DNAH11: variants seen among roughly 807,000 people sequenced by gnomAD.
DNAH11 encodes the protein dynein axonemal heavy chain 11, also known as axonemal beta dynein heavy chain 11.
A neutral mutation model predicts 526.0 loss-of-function variants in DNAH11; 442 were observed. That is an observed-to-expected ratio of 0.84 (90% CI 0.78 to 0.91). DNAH11 has a LOEUF of 0.91. Among genes scored for constraint, DNAH11 ranks in the 40% least tolerant of loss-of-function variants. The pLI, the probability that DNAH11 is intolerant of heterozygous loss-of-function variation, is 0.00. For missense variants in DNAH11, 6,989 were observed against 5,448.7 expected (o/e 1.28, Z -8.90); for synonymous variants, 2,461 against 1,935.9 (o/e 1.27, Z -7.12).
At chr7:21,729,983 G>A (rs1785304115) in intron 45 of DNAH11, among the ~76,000 whole-genome samples, 1 of 152,206 alleles carries the variant, frequency 6.6e-6, no homozygotes, top group South Asian at 2.1e-4. Flanking sequence ...AAGATAACAA[G>A]TGTTGTCAAC....
chr7:21,711,744 A>G lies in DNAH11; in HGVS notation c.6867A>G (p.Ala2289=), dbSNP rs745494770. 17 of 1,613,624 alleles carry G rather than the reference A, an allele frequency of 1.1e-5. No individual in the cohort carries two copies. The Admixed American group carries it at 2.3e-4, about 22-fold the overall frequency. ...VLTLASNERI[A]LTPFMRLLFE... ...CCCTCGCCAGCAATGAGCGCATTGCACTCACTCCCTTCATGAGGCTTCTGT... is the reference window on the plus strand; with the variant it reads ...CCCTCGCCAGCAATGAGCGCATTGCGCTCACTCCCTTCATGAGGCTTCTGT... The change falls in exon 42 of 82, where the codon GCA becomes GCG. Residue 2289 remains alanine (A), a synonymous_variant. Coordinates refer to ENST00000409508, the MANE Select transcript of DNAH11 (RefSeq NM_001277115.2).
Position 21,604,533 on chromosome 7 carries a change from C to A in DNAH11, c.3649-1893C>A, listed in dbSNP as rs193023779. ...ACTCACACCATCCTGTATTGGTCGT[C>A]ATACCTCAAGGGATCTCACCCTAAT... On this transcript the variant is annotated intron_variant, in intron 18 of 81. Coordinates refer to ENST00000409508, the MANE Select transcript of DNAH11 (RefSeq NM_001277115.2). Among the ~76,000 whole-genome samples, 64 of 152,290 alleles carry A rather than the reference C, an allele frequency of 4.2e-4. 1 individual carries two copies. In the East Asian group the frequency reaches 0.012, roughly 29 times the overall value.
chr7:21,881,363 G>A (rs1783919734), intron 75 of DNAH11, among the ~76,000 whole-genome samples: 1 of 152,202 alleles, frequency 6.6e-6, no homozygotes, highest in Admixed American at 6.5e-5. Flanking sequence ...TCATTATTAT[G>A]TATTAAGGAT....
intron 76 of DNAH11, among the ~76,000 whole-genome samples, chr7:21,889,991 T>C (rs1784273770): frequency 1.3e-5 from 2 of 152,176 alleles, no homozygotes; most frequent in Non-Finnish European, 2.9e-5. Flanking sequence ...TTTGTTTGTT[T>C]TTTCCTTCTA....
chr7:21,686,335 A>G (rs989633948), intron 32 of DNAH11, among the ~76,000 whole-genome samples: 4 of 152,218 alleles, frequency 2.6e-5, no homozygotes, highest in Non-Finnish European at 4.4e-5. Flanking sequence ...CCATGTGTAT[A>G]TCATTCACTA....
intron 66 of DNAH11, among the ~76,000 whole-genome samples, chr7:21,843,473 GT>G (rs931095695): frequency 1.5e-5 from 2 of 137,504 alleles, no homozygotes; most frequent in Non-Finnish European, 3.0e-5. Flanking sequence ...CTATGCTCAG[GT>G]TTTTTTTGTT....
chr7:21,565,217 C>T (rs896815789), intron 6 of DNAH11, among the ~76,000 whole-genome samples: 15 of 152,152 alleles, frequency 9.9e-5, no homozygotes, highest in Non-Finnish European at 2.2e-4. Flanking sequence ...TCCTGGCTTG[C>T]TGATGGCTGG....
intron 66 of DNAH11, chr7:21,851,447 A>T (rs1205117071): frequency 1.2e-5 from 5 of 428,956 alleles, no homozygotes; most frequent in African/African-American, 1.0e-4. Context: ...CATCCAGGTC[A>T]TATTAGGCAC....
intron 42 of DNAH11, among the ~76,000 whole-genome samples, chr7:21,715,205 C>G (rs534976118): frequency 2.0e-3 from 298 of 152,298 alleles, no homozygotes; most frequent in African/African-American, 6.0e-3. Flanking sequence ...TTCCTTCTAT[C>G]CTATACAACA....
Position 21,889,251 on chromosome 7 carries a change from A to T in DNAH11, c.12508-3174A>T, listed in dbSNP as rs190745264. ...TACTCAATTCCTTTTAAGTCTGAAT[A>T]ATGTTCCATTGTATGGACATAGCAC... On this transcript the variant is annotated intron_variant, in intron 76 of 81. Transcript: ENST00000409508. Among the ~76,000 whole-genome samples, 3 of 152,364 alleles carry T rather than the reference A, an allele frequency of 2.0e-5. No individual in the cohort carries two copies. In the East Asian group the frequency reaches 5.8e-4, roughly 29 times the overall value.
chr7:21,808,663 A>T (rs1398673628), intron 63 of DNAH11, among the ~76,000 whole-genome samples: 1 of 152,142 alleles, frequency 6.6e-6, no homozygotes. Context: ...GGTTTATTCC[A>T]CTTAACATAA....
chr7:21,657,401 G>A lies in DNAH11; in HGVS notation c.5095-1397G>A, dbSNP rs967966766. 7.9e-5 allele frequency among the ~76,000 whole-genome samples: 12 copies of A among 152,116 alleles called. 1 individual carries two copies. Among genetic ancestry groups the A allele is most frequent in the Non-Finnish European group, 7.4e-5 (5 of 68,004 alleles). ...TGTTATAGGGGGTTGGTTGAGAAGT[G>A]CCAAAAAGGGAAGGATCCAGCAAGC... On this transcript the variant is annotated intron_variant, in intron 29 of 81. Coordinates refer to ENST00000409508, the MANE Select transcript of DNAH11 (RefSeq NM_001277115.2).
intron 28 of DNAH11, among the ~76,000 whole-genome samples, chr7:21,651,653 T>G (rs1221471101): frequency 1.3e-5 from 2 of 152,256 alleles, no homozygotes; most frequent in Non-Finnish European, 1.5e-5. Context: ...TAAATGTAAG[T>G]TCTTTTATTT....
chr7:21,831,710 T>C (rs1041150279), intron 65 of DNAH11, among the ~76,000 whole-genome samples: 1 of 152,196 alleles, frequency 6.6e-6, no homozygotes, highest in Non-Finnish European at 1.5e-5. Context: ...TACATAGATA[T>C]GCAAGAGAGA....
At chr7:21,797,114 G>T (rs989864778) in intron 61 of DNAH11, among the ~76,000 whole-genome samples, 4 of 151,940 alleles carry the variant, frequency 2.6e-5, no homozygotes, top group African/African-American at 7.3e-5. Context: ...AAAACAAGGA[G>T]AAAGGTACAA....
chr7:21,637,663 G>A lies in DNAH11; in HGVS notation c.4778G>A (p.Arg1593Lys), dbSNP rs1211207282. 1 of 1,583,036 alleles carries A rather than the reference G, an allele frequency of 6.3e-7. No individual in the cohort carries two copies. ...KVENVLEATC[R>K]PNLYEKLKDL... The stretch of plus-strand genomic sequence containing the variant: ...GAAAATGTGTTAGAAGCAACGTGCA[G>A]ACCTAATCTCTATGAAAAACTTAAA... Residue 1593 changes from arginine (R) to lysine (K), a missense_variant, in exon 27 of 82, where the codon AGA becomes AAA. Transcript: ENST00000409508.
chr7:21,880,993 T>TTC, intron 75 of DNAH11, 100 bp downstream of exon 75: 2 of 1,109,514 alleles, frequency 1.8e-6, no homozygotes, highest in Non-Finnish European at 2.5e-6. Flanking sequence ...TTGAAGCTAT[T>TTC]ATTGAAATAG....
chr7:21,716,392 T>A (rs1784663880), intron 42 of DNAH11, among the ~76,000 whole-genome samples: 1 of 152,346 alleles, frequency 6.6e-6, no homozygotes, highest in Middle Eastern at 3.4e-3. Context: ...CAAACTTACA[T>A]AATCCTCACA....
Position 21,583,781 on chromosome 7 carries a change from A to G in DNAH11, c.1710+1760A>G, listed in dbSNP as rs375293465. On this transcript the variant is annotated intron_variant, in intron 9 of 81. Transcript: ENST00000409508. Reference sequence around the variant, plus strand: ...AAAAGTGGGCGAAAGACATGAACAGACACTTCTCAAAAAGAGACATTTATG... The same window carrying G: ...AAAAGTGGGCGAAAGACATGAACAGGCACTTCTCAAAAAGAGACATTTATG... Among the ~76,000 whole-genome samples the G allele has an allele frequency of 3.9e-5, 6 of 152,238 alleles. No individual in the cohort carries two copies. In the East Asian group the frequency reaches 9.6e-4, roughly 24 times the overall value.
Sources: allele counts gnomAD v4.1 joint callset (sites outside exome capture counted in the v4.1 genomes callset), GRCh38; gene constraint gnomAD v4.1.1; transcripts MANE v1.5; gene names NCBI Gene and HGNC (gene_info 2026-07-23, HGNC 2026-07-21).